The following PCDHGA1 variants were observed in gnomAD, a reference collection of about 807,000 sequenced individuals.
PCDHGA1 encodes the protein protocadherin gamma subfamily A, 1, also known as protocadherin gamma-A1.
PCDHGA1 carries 32 observed loss-of-function variants against 58.0 expected under a neutral mutation model. The ratio of observed to expected loss-of-function variants is 0.55; its 90% confidence interval spans 0.42 to 0.74. The LOEUF is 0.74. PCDHGA1 is among the 30% of genes least tolerant of loss of function. The pLI is 0.00. For synonymous variants in PCDHGA1, 498 were observed against 501.1 expected (o/e 0.99, Z 0.08); for missense variants, 1,205 against 1,182.3 (o/e 1.02, Z -0.28).
At chr5:141,427,879 C>T in intron 1 of PCDHGA1, 1 of 1,562,380 alleles carries the variant, frequency 6.4e-7, no homozygotes. Context: ...ACGATGCAGG[C>T]CCACGACCAG....
chr5:141,385,256 A>G lies in PCDHGA1; in HGVS notation c.2421+52151A>G, dbSNP rs779090806. On this transcript the variant is annotated intron_variant, in intron 1 of 3. Transcript: ENST00000517417. Reference sequence around the variant, plus strand: ...ATGCTCATCAGCCAGGAGAGCTGTGAGAAAAATGATTCTTTGCTAACATCC... The same window carrying G: ...ATGCTCATCAGCCAGGAGAGCTGTGGGAAAAATGATTCTTTGCTAACATCC... 7 of 1,613,794 alleles carry G rather than the reference A, an allele frequency of 4.3e-6. No homozygotes were observed. In the Admixed American group the frequency reaches 1.0e-4, roughly 23 times the overall value.
chr5:141,376,100 G>A (rs772318189), intron 1 of PCDHGA1: 1 of 1,613,750 alleles, frequency 6.2e-7, no homozygotes, highest in Non-Finnish European at 8.5e-7. Flanking sequence ...CGACATCCTG[G>A]CCGACCTGGG....
rs754618010 is a variant in PCDHGA1 at position 141,370,745 on chromosome 5, T to G, written c.2421+37640T>G. 19 of 1,613,834 alleles carry G rather than the reference T, an allele frequency of 1.2e-5. 1 individual carries two copies. In the South Asian group the frequency reaches 2.1e-4, roughly 18 times the overall value. ...TTGCTGAAAAGCCTTTAAACTTTTT[T>G]CATGTAACTGTGCTGATCCAGGATA... On this transcript the variant is annotated intron_variant, in intron 1 of 3. Coordinates refer to ENST00000517417, the MANE Select transcript of PCDHGA1 (RefSeq NM_018912.3).
intron 1 of PCDHGA1, among the ~76,000 whole-genome samples, chr5:141,444,476 C>A (rs1228271706): frequency 6.6e-6 from 1 of 152,088 alleles, no homozygotes; most frequent in Non-Finnish European, 1.5e-5. Flanking sequence ...CGGTCGCGTA[C>A]TGGATTTATA....
chr5:141,346,448 C>T (rs1381450357), intron 1 of PCDHGA1: 1 of 1,614,228 alleles, frequency 6.2e-7, no homozygotes, highest in East Asian at 2.2e-5. Flanking sequence ...GAGATTCCAA[C>T]CTACTTCAGG....
intron 1 of PCDHGA1, among the ~76,000 whole-genome samples, chr5:141,475,567 A>G (rs1260546062): frequency 6.6e-6 from 1 of 152,244 alleles, no homozygotes; most frequent in African/African-American, 2.4e-5. Flanking sequence ...CTGTCTTCCA[A>G]CAAGCCAGAT....
At position 141,393,344 on chromosome 5, in the gene PCDHGA1, C is replaced by G. The variant is rs1428830318; in HGVS notation, c.2421+60239C>G. On this transcript the variant is annotated intron_variant, in intron 1 of 3. Transcript: ENST00000517417. ...GCTACCAGCTCAGCCCCAATCACCA[C>G]TTCTCCCTGGACGTGCAGACTGGAG... The G allele has an allele frequency of 9.9e-6, 16 of 1,613,888 alleles. No individual in the cohort carries two copies. The highest frequency in any genetic ancestry group is 1.2e-5 in the Non-Finnish European group (14 of 1,179,904).
chr5:141,432,305 G>T lies in PCDHGA1; in HGVS notation c.2422-62502G>T. 1 of 1,614,254 alleles carries T rather than the reference G, an allele frequency of 6.2e-7. No individual in the cohort carries two copies. Among genetic ancestry groups the T allele is most frequent in the African/African-American group, 1.3e-5 (1 of 75,072 alleles). ...CAACTCCGACACTGGGGTACTGTAT[G>T]CGCTGAGCTCCTTCGACTACGAGCA... On this transcript the variant is annotated intron_variant, in intron 1 of 3. Transcript: ENST00000517417. This position sits in a 1 kb window ranked among gnomAD's most constrained non-coding sequence, Gnocchi z 6.0.
rs530001704 is a variant in PCDHGA1, at chr5:141,434,708, ATC to A, written c.2422-60095_2422-60094del. 3.9e-3 allele frequency among the ~76,000 whole-genome samples: 589 copies of A among 152,052 alleles called. 6 individuals are homozygous for A. The highest frequency in any genetic ancestry group is 0.011 in the Admixed American group (170 of 15,250). ...TTGCTGTTAATAAATATGTGGGTAA[ATC>A]TCTGTTCAGGGCTCTCAGCTCTGAA... On this transcript the variant is annotated intron_variant, in intron 1 of 3. Coordinates refer to ENST00000517417, the MANE Select transcript of PCDHGA1 (RefSeq NM_018912.3).
intron 1 of PCDHGA1, among the ~76,000 whole-genome samples, chr5:141,447,276 A>G (rs2098532917): frequency 6.6e-6 from 1 of 151,994 alleles, no homozygotes; most frequent in South Asian, 2.1e-4. Flanking sequence ...AGTAGCTGGG[A>G]CTACAGGCAC....
At chr5:141,501,866 C>T (rs1193396289) in intron 2 of PCDHGA1, among the ~76,000 whole-genome samples, 4 of 152,108 alleles carry the variant, frequency 2.6e-5, no homozygotes, top group South Asian at 2.1e-4. Context: ...TTTCCCAGGA[C>T]GCCTCCTTAC....
chr5:141,351,405 C>A, intron 1 of PCDHGA1: 1 of 1,611,372 alleles, frequency 6.2e-7, no homozygotes, highest in Non-Finnish European at 8.5e-7. Flanking sequence ...ACATGCTATA[C>A]TCAGGAAGAA....
chr5:141,415,649 A>C, intron 1 of PCDHGA1: 1 of 1,597,710 alleles, frequency 6.3e-7, no homozygotes, highest in Non-Finnish European at 8.5e-7. Context: ...GTTAAAAAAA[A>C]AAAGATTGGT....
intron 1 of PCDHGA1, chr5:141,393,429 G>GCAA (rs761074463): frequency 2.5e-6 from 4 of 1,613,910 alleles, no homozygotes; most frequent in South Asian, 1.1e-5. Flanking sequence ...GGAGGAAGAG[G>GCAA]CTGCTCACCA....
At chr5:141,504,236 C>A (rs1011850372) in intron 2 of PCDHGA1, among the ~76,000 whole-genome samples, 2 of 152,194 alleles carry the variant, frequency 1.3e-5, no homozygotes, top group African/African-American at 4.8e-5. Flanking sequence ...TTCTAAGAAG[C>A]AGAGAGTTCT....
chr5:141,393,348 T>C (rs754496387), intron 1 of PCDHGA1: 16 of 1,613,730 alleles, frequency 9.9e-6, no homozygotes, highest in Non-Finnish European at 1.4e-5. Context: ...TCACCACTTC[T>C]CCCTGGACGT....
Position 141,432,292 on chromosome 5 carries a change from T to G in PCDHGA1, c.2422-62515T>G. 6.2e-7 allele frequency: 1 copy of G among 1,614,196 alleles called. No homozygotes were observed. The highest frequency in any genetic ancestry group is 8.5e-7 in the Non-Finnish European group (1 of 1,180,042). On this transcript the variant is annotated intron_variant, in intron 1 of 3. Transcript: ENST00000517417. This position sits in a 1 kb window ranked among gnomAD's most constrained non-coding sequence, Gnocchi z 6.0. Reference sequence around the variant, plus strand: ...CCTACGTGTCCATCAACTCCGACACTGGGGTACTGTATGCGCTGAGCTCCT... The same window carrying G: ...CCTACGTGTCCATCAACTCCGACACGGGGGTACTGTATGCGCTGAGCTCCT...
intron 1 of PCDHGA1, chr5:141,418,890 G>A (rs1449142412): frequency 1.9e-6 from 3 of 1,613,934 alleles, no homozygotes; most frequent in Non-Finnish European, 2.5e-6. Flanking sequence ...AACGACAACA[G>A]CCCAGAAATA....
At chr5:141,361,864 A>G in intron 1 of PCDHGA1, 2 of 1,611,862 alleles carry the variant, frequency 1.2e-6, no homozygotes, top group Non-Finnish European at 1.7e-6. Context: ...CCTCTTCGAT[A>G]TGGTGCCACG....
Sources: allele counts gnomAD v4.1 joint callset (sites outside exome capture counted in the v4.1 genomes callset), GRCh38; gene constraint gnomAD v4.1.1; non-coding constraint Gnocchi (gnomAD v3.1); transcripts MANE v1.5; gene names NCBI Gene and HGNC (gene_info 2026-07-23, HGNC 2026-07-21).